The following HIBCH variants were observed in gnomAD, a reference collection of about 807,000 sequenced individuals.
The protein encoded by HIBCH is 3-hydroxyisobutyryl-CoA hydrolase.
Under a neutral mutation model 58.2 loss-of-function variants are expected in HIBCH, and 50 were observed. That is an observed-to-expected ratio of 0.86 (90% CI 0.68 to 1.09). The LOEUF (loss-of-function observed/expected upper bound fraction) is 1.09. HIBCH is among the 50% of genes least tolerant of loss of function. The pLI is 0.00. For synonymous variants in HIBCH, 151 were observed against 146.9 expected, an observed-to-expected ratio of 1.03 and a Z score of -0.20; for missense variants, 450 against 449.7, an observed-to-expected ratio of 1.00 and a Z score of -0.01.
chr2:190,254,190 T>G lies in HIBCH; in HGVS notation c.518-1883A>C, dbSNP rs1686859446. 6.6e-6 allele frequency among the ~76,000 whole-genome samples: 1 copy of G among 152,156 alleles called. No homozygotes were observed. Among genetic ancestry groups the G allele is most frequent in the East Asian group, 1.9e-4 (1 of 5,196 alleles). Reference sequence around the variant, plus strand: ...AGCCCTAACCCTCGATGTAACTGCATTTGGAAGCAGGGCCTTTGAAGAGGT... The same window carrying G: ...AGCCCTAACCCTCGATGTAACTGCAGTTGGAAGCAGGGCCTTTGAAGAGGT... On this transcript the variant is annotated intron_variant, in intron 7 of 13. Transcript: ENST00000359678. This position sits in a 1 kb window ranked among gnomAD's most constrained non-coding sequence, Gnocchi z 5.0.
intron 11 of HIBCH, among the ~76,000 whole-genome samples, chr2:190,225,547 A>C (rs1243270217): frequency 6.6e-6 from 1 of 152,246 alleles, no homozygotes; most frequent in African/African-American, 2.4e-5. Context: ...CTGGACACAT[A>C]TACCCTCCCA....
At chr2:190,199,656 C>T, downstream of HIBCH, 2 of 1,301,702 alleles carry the variant, frequency 1.5e-6, no homozygotes, top group Non-Finnish European at 2.0e-6. Flanking sequence ...CACTATTTTG[C>T]ATTCTGTAAC....
At chr2:190,258,271 T>G (rs1307104493) in intron 7 of HIBCH, among the ~76,000 whole-genome samples, 2 of 152,232 alleles carry the variant, frequency 1.3e-5, no homozygotes, top group Non-Finnish European at 2.9e-5. Flanking sequence ...TCCCCAATCA[T>G]GCTTCCTGTA....
chr2:190,228,729 C>T (rs1685999726), intron 11 of HIBCH, among the ~76,000 whole-genome samples: 1 of 152,094 alleles, frequency 6.6e-6, no homozygotes, highest in Non-Finnish European at 1.5e-5. Context: ...TTATCTGACC[C>T]TTTAAAGATT....
chr2:190,296,096 G>T (rs990120600), intron 3 of HIBCH, among the ~76,000 whole-genome samples: 2 of 152,024 alleles, frequency 1.3e-5, no homozygotes, highest in Non-Finnish European at 2.9e-5. Flanking sequence ...GAAAGTTTAC[G>T]GCCTTCTCTG....
At chr2:190,226,617 A>C (rs1286556810) in intron 11 of HIBCH, among the ~76,000 whole-genome samples, 3 of 147,888 alleles carry the variant, frequency 2.0e-5, no homozygotes, top group Non-Finnish European at 4.5e-5. Context: ...AAAAAAAAAA[A>C]AAAAAAGAGG....
chr2:190,259,844 C>G (rs112576672), intron 7 of HIBCH, among the ~76,000 whole-genome samples: 47 of 152,270 alleles, frequency 3.1e-4, no homozygotes, highest in Admixed American at 2.7e-3. Context: ...ATTTCTTTCT[C>G]TTGCCTAATT....
intron 11 of HIBCH, among the ~76,000 whole-genome samples, chr2:190,229,951 G>T (rs1686044234): frequency 6.6e-6 from 1 of 151,954 alleles, no homozygotes; most frequent in Admixed American, 6.6e-5. Flanking sequence ...CCAAAATAAT[G>T]AATTTCTATT....
intron 11 of HIBCH, among the ~76,000 whole-genome samples, chr2:190,221,459 C>T (rs190762552): frequency 3.2e-4 from 49 of 152,330 alleles, no homozygotes; most frequent in South Asian, 6.2e-4. Flanking sequence ...GATACTTTAA[C>T]ATGTTTAATC....
In HIBCH at chr2:190,315,897, ATTTTTTG is replaced by A. The variant is rs1177071239; in HGVS notation, c.35+3812_35+3818del. ...GTTTGCAGGACGAAATACAAATTCA[ATTTTTTG>A]AATTTGAATTTGTACTGACATAAGC... On this transcript the variant is annotated intron_variant, in intron 1 of 13. Coordinates refer to ENST00000359678, the MANE Select transcript of HIBCH (RefSeq NM_014362.4). This position sits in a 1 kb window ranked among gnomAD's most constrained non-coding sequence, Gnocchi z 5.4. 1.3e-5 allele frequency among the ~76,000 whole-genome samples: 2 copies of A among 152,212 alleles called. No individual in the cohort carries two copies. Among genetic ancestry groups the A allele is most frequent in the East Asian group, 3.8e-4 (2 of 5,202 alleles).
intron 1 of HIBCH, among the ~76,000 whole-genome samples, chr2:190,311,519 T>C (rs374452882): frequency 6.6e-6 from 1 of 152,206 alleles, no homozygotes; most frequent in East Asian, 1.9e-4. Context: ...GAGAGAGGTA[T>C]AAATTGGTAC....
At chr2:190,193,504 G>GT (rs1030518535) in intron 1 of HIBCH, among the ~76,000 whole-genome samples, 24 of 152,190 alleles carry the variant, frequency 1.6e-4, no homozygotes, top group African/African-American at 5.3e-4. Context: ...AATGGCCTTG[G>GT]TAAGAGTTCT....
intron 10 of HIBCH, chr2:190,245,488 A>G (rs1386602128): frequency 6.5e-6 from 1 of 154,574 alleles, no homozygotes; most frequent in East Asian, 1.9e-4. Context: ...ATCACTGCAC[A>G]AAATCTTTTT....
chr2:190,262,495 T>C (rs959981926), intron 6 of HIBCH, among the ~76,000 whole-genome samples: 5 of 152,200 alleles, frequency 3.3e-5, no homozygotes, highest in Non-Finnish European at 5.9e-5. Context: ...ACGTAAGTCT[T>C]TGGGCCCCCA....
Position 190,296,910 on chromosome 2 carries a change from T to G in HIBCH, c.122A>C (p.Glu41Ala). 1 of 1,614,056 alleles carries G rather than the reference T, an allele frequency of 6.2e-7. No individual in the cohort carries two copies. The highest frequency in any genetic ancestry group is 8.5e-7 in the Non-Finnish European group (1 of 1,179,908). Residue 41 changes from glutamate to alanine, a missense_variant, in exon 3 of 14, where the codon GAA (glutamate) becomes GCA (alanine). Glu to Ala is a moderately radical substitution (Grantham distance 107, BLOSUM62 -1). Transcript: ENST00000359678. ...HTDAAEEVLL[E>A]KKGCTGVITL... ...TATGACTCCCGTGCAACCTTTTTTT[T>G]CCAATAGCACCTCTTCTGCTGCATC...
chr2:190,220,066 T>C (rs569051660), intron 11 of HIBCH, among the ~76,000 whole-genome samples: 51 of 152,316 alleles, frequency 3.3e-4, no homozygotes, highest in African/African-American at 1.1e-3. Flanking sequence ...TTTAATAAAA[T>C]AAGAATTACA....
In HIBCH at chr2:190,262,417, A is replaced by C. The variant is rs151194521; in HGVS notation, c.439-1183T>G. Among the ~76,000 whole-genome samples the C allele has an allele frequency of 5.9e-3, 894 of 152,226 alleles. 10 individuals are homozygous for C. The highest frequency in any genetic ancestry group is 0.021 in the African/African-American group (860 of 41,540). On this transcript the variant is annotated intron_variant, in intron 6 of 13. Coordinates refer to ENST00000359678, the MANE Select transcript of HIBCH (RefSeq NM_014362.4). Reference sequence around the variant, plus strand: ...TTTTGAGTGAGTCTCTGTTCTTTCCAATTAAAATGTCTCTTCACCACATTT... The same window carrying C: ...TTTTGAGTGAGTCTCTGTTCTTTCCCATTAAAATGTCTCTTCACCACATTT...
intron 6 of HIBCH, among the ~76,000 whole-genome samples, chr2:190,273,216 A>T (rs1488787754): frequency 3.9e-5 from 6 of 152,054 alleles, no homozygotes; most frequent in Non-Finnish European, 5.9e-5. Flanking sequence ...AACATGGTGA[A>T]ACCTCAACTC....
chr2:190,284,302 T>C (rs1021725153), intron 6 of HIBCH, among the ~76,000 whole-genome samples: 2 of 152,084 alleles, frequency 1.3e-5, no homozygotes, highest in African/African-American at 4.8e-5. Context: ...TACCAACCTA[T>C]ACAAGCCCCA....
Sources: allele counts gnomAD v4.1 joint callset (sites outside exome capture counted in the v4.1 genomes callset), GRCh38; gene constraint gnomAD v4.1.1; non-coding constraint Gnocchi (gnomAD v3.1); transcripts MANE v1.5; gene names NCBI Gene and HGNC (gene_info 2026-07-23, HGNC 2026-07-21).